Variants in METTL24 observed in about 807,000 individuals in gnomAD.
The protein encoded by METTL24 is methyltransferase like 24.
METTL24 carries 29 observed loss-of-function variants against 32.7 expected under a neutral mutation model. The observed-to-expected ratio is 0.89, with a 90% CI of 0.66 to 1.21. METTL24 has a LOEUF of 1.21. METTL24 is among the 50% of genes most tolerant of loss of function. The pLI is 0.00. For synonymous variants in METTL24, 163 were observed against 179.5 expected (o/e 0.91, Z 0.73); for missense variants, 439 against 468.1 (o/e 0.94, Z 0.57).
At chr6:110,322,134 T>C (rs1402572377) in intron 2 of METTL24, among the ~76,000 whole-genome samples, 1 of 152,212 alleles carries the variant, frequency 6.6e-6, no homozygotes, top group African/African-American at 2.4e-5. Context: ...TCAAGAGCCA[T>C]AGACTGTCTT....
intron 3 of METTL24, among the ~76,000 whole-genome samples, chr6:110,313,939 G>A (rs921207294): frequency 2.6e-5 from 4 of 152,274 alleles, no homozygotes; most frequent in Admixed American, 2.6e-4. Context: ...TAACCCATAT[G>A]AGAATGTTTC....
At chr6:110,271,500 C>T (rs1435588526) in intron 4 of METTL24, among the ~76,000 whole-genome samples, 1 of 151,876 alleles carries the variant, frequency 6.6e-6, no homozygotes. Flanking sequence ...TTTTTGTTTC[C>T]AAAAAATTCA....
intron 1 of METTL24, among the ~76,000 whole-genome samples, chr6:110,351,034 G>C (rs1299374994): frequency 6.6e-6 from 1 of 152,056 alleles, no homozygotes; most frequent in Non-Finnish European, 1.5e-5. Context: ...CTTGAACCCG[G>C]GAGGCGGAGG....
chr6:110,259,428 C>T (rs1778447545), intron 4 of METTL24, among the ~76,000 whole-genome samples: 1 of 152,168 alleles, frequency 6.6e-6, no homozygotes, highest in Admixed American at 6.5e-5. Context: ...GAGGGGCACC[C>T]ACCATTGCCG....
At chr6:110,246,532 C>G (rs943548212) in intron 4 of METTL24, among the ~76,000 whole-genome samples, 3 of 152,218 alleles carry the variant, frequency 2.0e-5, no homozygotes, top group African/African-American at 7.2e-5. Context: ...ATCCTCCTGC[C>G]TCCGCCTCCT....
intron 4 of METTL24, among the ~76,000 whole-genome samples, chr6:110,288,515 C>T (rs367607107): frequency 9.9e-5 from 15 of 152,214 alleles, no homozygotes; most frequent in South Asian, 2.1e-4. Context: ...AGTCTATGGA[C>T]ATTATTTGTT....
At chr6:110,258,676 C>T (rs1268714650) in intron 4 of METTL24, among the ~76,000 whole-genome samples, 2 of 151,944 alleles carry the variant, frequency 1.3e-5, no homozygotes, top group African/African-American at 4.8e-5. Context: ...TGATCCAACT[C>T]CTTATTTAAC....
At chr6:110,288,634 G>A (rs1318470103) in intron 4 of METTL24, among the ~76,000 whole-genome samples, 2 of 152,084 alleles carry the variant, frequency 1.3e-5, no homozygotes, top group Admixed American at 6.6e-5. Context: ...CAAAAATAGG[G>A]AGAACTATTT....
At chr6:110,288,020 T>C (rs568255393) in intron 4 of METTL24, among the ~76,000 whole-genome samples, 3 of 152,280 alleles carry the variant, frequency 2.0e-5, no homozygotes, top group African/African-American at 7.2e-5. Flanking sequence ...AGAAATCAGA[T>C]ACGATAGGCT....
At chr6:110,273,063 TC>T (rs1270122558) in intron 4 of METTL24, among the ~76,000 whole-genome samples, 1 of 152,114 alleles carries the variant, frequency 6.6e-6, no homozygotes, top group East Asian at 1.9e-4. Flanking sequence ...GAAGAGTTTT[TC>T]CTATATTATC....
chr6:110,332,998 T>C (rs1305822324), intron 1 of METTL24, among the ~76,000 whole-genome samples: 2 of 152,030 alleles, frequency 1.3e-5, no homozygotes, highest in East Asian at 3.8e-4. Flanking sequence ...TCTCTCTCTC[T>C]GCCTCTTCTT....
At chr6:110,266,010 C>T (rs971365130) in intron 4 of METTL24, among the ~76,000 whole-genome samples, 1 of 151,996 alleles carries the variant, frequency 6.6e-6, no homozygotes, top group Non-Finnish European at 1.5e-5. Flanking sequence ...AAGTAATCCT[C>T]CTACCTCAGC....
In METTL24 at chr6:110,343,303, T is replaced by G. The variant is rs375086651; in HGVS notation, c.318+14652A>C. Among the ~76,000 whole-genome samples, 16 of 152,338 alleles carry G rather than the reference T, an allele frequency of 1.1e-4. No individual in the cohort carries two copies. The East Asian group carries it at 2.5e-3, about 24-fold the overall frequency. ...TTTCCCCTGTACCATAACACAGCAG[T>G]AGCCATAGCTAGGATGAGGGGACCA... On this transcript the variant is annotated intron_variant, in intron 1 of 4. Transcript: ENST00000338882.
intron 4 of METTL24, among the ~76,000 whole-genome samples, chr6:110,250,536 GAC>G (rs1384831378): frequency 6.6e-6 from 1 of 151,916 alleles, no homozygotes; most frequent in African/African-American, 2.4e-5. Flanking sequence ...ATTTGGGGGA[GAC>G]ACAATTCAAC....
chr6:110,343,526 G>A lies in METTL24; in HGVS notation c.318+14429C>T, dbSNP rs73526910. Among the ~76,000 whole-genome samples the A allele has an allele frequency of 9.8e-3, 1,496 of 152,308 alleles. 23 individuals carry two copies. Among genetic ancestry groups the A allele is most frequent in the African/African-American group, 0.033 (1,370 of 41,558 alleles). On this transcript the variant is annotated intron_variant, in intron 1 of 4. Transcript: ENST00000338882. ...CTTCTGCCAGAGTGGCATAATTCAT[G>A]CCTAGGACAGGCCCGGAAGGAAAGG...
intron 1 of METTL24, among the ~76,000 whole-genome samples, chr6:110,353,983 G>GA (rs1353927023): frequency 6.6e-6 from 1 of 152,080 alleles, no homozygotes; most frequent in African/African-American, 2.4e-5. Flanking sequence ...AAAACAGAGA[G>GA]AAAATAAAAG....
chr6:110,297,788 C>A (rs1278652799), intron 4 of METTL24, among the ~76,000 whole-genome samples: 1 of 152,148 alleles, frequency 6.6e-6, no homozygotes, highest in Non-Finnish European at 1.5e-5. Flanking sequence ...CTCACTAAGG[C>A]TCCTGACTAT....
At chr6:110,256,993 T>C (rs1778397412) in intron 4 of METTL24, among the ~76,000 whole-genome samples, 1 of 152,204 alleles carries the variant, frequency 6.6e-6, no homozygotes, top group Admixed American at 6.5e-5. Flanking sequence ...GCCCTTCAAG[T>C]ACAGGCTGCA....
At chr6:110,277,997 C>A (rs1313575046) in intron 4 of METTL24, among the ~76,000 whole-genome samples, 1 of 152,056 alleles carries the variant, frequency 6.6e-6, no homozygotes. Flanking sequence ...TAAGCCCAAC[C>A]ATGAGAGAGA....
Sources: gnomAD v4.1 joint callset for allele counts (sites outside exome capture counted in the v4.1 genomes callset) on GRCh38, gnomAD v4.1.1 for gene constraint, MANE v1.5 for transcripts, NCBI Gene and HGNC (gene_info 2026-07-23, HGNC 2026-07-21) for gene names.